The following BIRC3 variants were observed in gnomAD, a reference collection of about 807,000 sequenced individuals.
BIRC3 encodes the protein baculoviral IAP repeat-containing protein 3.
BIRC3 carries 26 observed loss-of-function variants against 59.0 expected under a neutral mutation model. The observed-to-expected ratio is 0.44, with a 90% confidence interval of 0.32 to 0.61. The LOEUF is 0.61. BIRC3 is among the 20% of genes least tolerant of loss of function. The probability of loss-of-function intolerance (pLI) is 0.04; values close to 1 mark genes in which losing one functional copy is unlikely to be tolerated. For synonymous variants in BIRC3, 243 were observed against 249.2 expected (o/e 0.98, Z 0.24); for missense variants, 641 against 711.5 (o/e 0.90, Z 1.13).
intron 6 of BIRC3, among the ~76,000 whole-genome samples, chr11:102,333,665 G>T (rs1469288168): frequency 2.6e-5 from 4 of 152,068 alleles, no homozygotes; most frequent in African/African-American, 9.7e-5. Context: ...AAAATAGCTT[G>T]AACCTGGGAG....
At chr11:102,327,082 T>C (rs753181699) in intron 3 of BIRC3, among the ~76,000 whole-genome samples, 2 of 152,186 alleles carry the variant, frequency 1.3e-5, no homozygotes, top group Non-Finnish European at 2.9e-5. Flanking sequence ...CTTGTCCACT[T>C]GAGCCTTGGT....
rs1401667772 is a variant in BIRC3 at position 102,322,399 on chromosome 11, T to C, written c.-2111T>C. On this transcript the variant is annotated 5_prime_UTR_variant, in exon 2 of 9. Coordinates refer to ENST00000263464, the MANE Select transcript of BIRC3 (RefSeq NM_001165.5). ...GGAAGTAAAAAGATAAATGTGATGA[T>C]TGGTCAAGAAATTATCCAGTTATTT... is the stretch of plus-strand genomic sequence containing the variant. The C allele has an allele frequency of 9.7e-6, 2 of 207,162 alleles. No individual in the cohort carries two copies. Among genetic ancestry groups the C allele is most frequent in the Admixed American group, 1.2e-4 (2 of 16,856 alleles). The allele number at this position is 207,162 out of a possible 1,614,324, so 12.8% of individuals were successfully genotyped here.
rs752896863 is a variant in BIRC3 at position 102,325,115 on chromosome 11, A to T, written c.606A>T (p.Arg202Ser). ...AGFYYIGPGD[R>S]VACFACGGKL... Reference sequence around the variant, plus strand: ...TTTACTACATAGGACCTGGAGACAGAGTGGCTTGCTTTGCCTGTGGTGGAA... The same window carrying T: ...TTTACTACATAGGACCTGGAGACAGTGTGGCTTGCTTTGCCTGTGGTGGAA... The change falls in exon 2 of 9, where the codon AGA becomes AGT. Residue 202 changes from arginine (R) to serine (S), a missense_variant. This residue lies in a region of BIRC3 where 329 missense variants were observed against 365.6 expected (regional missense o/e 0.90). Coordinates refer to ENST00000263464, the MANE Select transcript of BIRC3 (RefSeq NM_001165.5). 111 of 1,614,100 alleles carry T rather than the reference A, an allele frequency of 6.9e-5. 1 individual carries two copies. The East Asian group carries it at 2.4e-3, about 35-fold the overall frequency.
intron 1 of BIRC3, among the ~76,000 whole-genome samples, chr11:102,320,606 G>A (rs17878708): frequency 0.28 from 42,875 of 152,144 alleles, 6,284 homozygotes; most frequent in Admixed American, 0.34. Context: ...CTCTGTTTAC[G>A]TATTTGATAT....
intron 3 of BIRC3, among the ~76,000 whole-genome samples, chr11:102,325,927 A>T (rs1017584997): frequency 6.6e-6 from 1 of 152,142 alleles, no homozygotes; most frequent in Non-Finnish European, 1.5e-5. Flanking sequence ...ACATCCCTCC[A>T]GACATATAGA....
At chr11:102,318,194 T>C (rs1950993239) in intron 1 of BIRC3, among the ~76,000 whole-genome samples, 1 of 152,252 alleles carries the variant, frequency 6.6e-6, no homozygotes, top group African/African-American at 2.4e-5. Context: ...AGACTTTACA[T>C]GTATTTTTCA....
Position 102,331,007 on chromosome 11 carries a change from T to C in BIRC3, c.1090T>C (p.Phe364Leu). Residue 364 changes from phenylalanine (F) to leucine (L), a missense_variant, in exon 6 of 9, where the codon TTT becomes CTT. Around this residue, in one of 4 missense-constraint regions of BIRC3, gnomAD observed 268 missense variants for 255.7 expected, o/e 1.05. Coordinates refer to ENST00000263464, the MANE Select transcript of BIRC3 (RefSeq NM_001165.5). ...TTCTTTGTTCCATATAGTTATCCAT[T>C]TTGAACCTGGAGAAGACCATTCAGA... Reference protein sequence around the residue: ...DENAESSIIHFEPGEDHSEDA... With the variant: ...DENAESSIIHLEPGEDHSEDA... 1.9e-6 allele frequency: 3 copies of C among 1,611,262 alleles called. No homozygotes were observed. Among genetic ancestry groups the C allele is most frequent in the East Asian group, 2.2e-5 (1 of 44,782 alleles).
At position 102,323,203 on chromosome 11, in the gene BIRC3, T is replaced by A. The variant is rs1216149903; in HGVS notation, c.-1307T>A. The A allele has an allele frequency of 5.0e-6, 1 of 198,384 alleles. No homozygotes were observed. Among genetic ancestry groups the A allele is most frequent in the East Asian group, 7.9e-5 (1 of 12,736 alleles). 12.3% of individuals were successfully genotyped at this position (198,384 alleles called of 1,614,324 possible). A position where few individuals can be genotyped will look rare whatever the true frequency, so the allele number is the denominator to read the frequency against. On this transcript the variant is annotated 5_prime_UTR_variant, in exon 2 of 9. Transcript: ENST00000263464. The stretch of plus-strand genomic sequence containing the variant: ...TTAGTTCTTTGAGGGGGACAAAAAA[T>A]TTAAAATCTTTGAAAGGTCTTATTT...
chr11:102,328,238 C>G, intron 4 of BIRC3, 108 bp downstream of exon 4: 1 of 844,934 alleles, frequency 1.2e-6, no homozygotes. Flanking sequence ...TTTAGAAATA[C>G]ATTTTCTTTT....
intron 6 of BIRC3, among the ~76,000 whole-genome samples, chr11:102,332,679 G>A (rs1355884555): frequency 6.6e-6 from 1 of 152,142 alleles, no homozygotes; most frequent in Non-Finnish European, 1.5e-5. Context: ...ATCCAACCCT[G>A]CCCATGAAGA....
Position 102,337,798 on chromosome 11 carries a change from T to G in BIRC3, c.*696T>G, listed in dbSNP as rs1951211861. ...GTCACTCCCAGACTCTTTCCATACC[T>G]TCTTAAAGCCTCTCAAATATTGAAC... is the stretch of plus-strand genomic sequence containing the variant. On this transcript the variant is annotated 3_prime_UTR_variant, in exon 9 of 9. Coordinates refer to ENST00000263464, the MANE Select transcript of BIRC3 (RefSeq NM_001165.5). 1 of 234,498 alleles carries G rather than the reference T, an allele frequency of 4.3e-6. No homozygotes were observed. The highest frequency in any genetic ancestry group is 8.4e-6 in the Non-Finnish European group (1 of 119,352). The allele number at this position is 234,498 out of a possible 1,614,324, so 14.5% of individuals were successfully genotyped here. A position where few individuals can be genotyped will look rare whatever the true frequency, so the allele number is the denominator to read the frequency against.
rs993820132 is a variant in BIRC3, at chr11:102,322,584, T to G, written c.-1926T>G. On this transcript the variant is annotated 5_prime_UTR_variant, in exon 2 of 9. Transcript: ENST00000263464. ...CAGTGATGAATACAAAGAAGATTTT[T>G]ATAACAATGTGTAAAATTTTTGGCC... The G allele has an allele frequency of 4.9e-6, 1 of 205,850 alleles. No homozygotes were observed. Among genetic ancestry groups the G allele is most frequent in the East Asian group, 7.5e-5 (1 of 13,382 alleles). The allele number at this position is 205,850 out of a possible 1,614,324, so 12.8% of individuals were successfully genotyped here. A position where few individuals can be genotyped will look rare whatever the true frequency, so the allele number is the denominator to read the frequency against.
rs1193650949 is a variant in BIRC3 at position 102,337,016 on chromosome 11, G to A, written c.1729G>A (p.Val577Ile). Residue 577 changes from valine to isoleucine, a missense_variant, in exon 9 of 9, where the codon GTA (valine) becomes ATA (isoleucine). Physicochemically the swap from Val to Ile is conservative, Grantham distance 29. Transcript: ENST00000263464. ...IVFIPCGHLV[V>I]CKDCAPSLRK... Reference sequence around the variant, plus strand: ...GTTTATTCCTTGTGGTCATCTAGTAGTATGCAAAGATTGTGCTCCTTCTTT... The same window carrying A: ...GTTTATTCCTTGTGGTCATCTAGTAATATGCAAAGATTGTGCTCCTTCTTT... 1.2e-6 allele frequency: 2 copies of A among 1,605,058 alleles called. No homozygotes were observed. The highest frequency in any genetic ancestry group is 1.7e-6 in the Non-Finnish European group (2 of 1,178,080).
Position 102,323,864 on chromosome 11 carries a change from T to C in BIRC3, c.-646T>C, listed in dbSNP as rs984914265. On this transcript the variant is annotated 5_prime_UTR_variant, in exon 2 of 9. Coordinates refer to ENST00000263464, the MANE Select transcript of BIRC3 (RefSeq NM_001165.5). ...GAAATAAAAGTGCTTCTAATTAAAATATGATGTCATTAATTATGAAATACT... is the reference window on the plus strand; with the variant it reads ...GAAATAAAAGTGCTTCTAATTAAAACATGATGTCATTAATTATGAAATACT... 1 of 201,018 alleles carries C rather than the reference T, an allele frequency of 5.0e-6. No homozygotes were observed. Among genetic ancestry groups the C allele is most frequent in the African/African-American group, 2.3e-5 (1 of 43,536 alleles). 12.5% of individuals were successfully genotyped at this position (201,018 alleles called of 1,614,324 possible).
At chr11:102,328,874 A>G (rs765816583) in intron 4 of BIRC3, 23 bp from the exon 5 acceptor site, 2 of 837,956 alleles carry the variant, frequency 2.4e-6, no homozygotes, top group Non-Finnish European at 3.2e-6. Flanking sequence ...ATATATATAT[A>G]TATATATTTT....
At chr11:102,336,459 G>A (rs1023055142) in intron 7 of BIRC3, 3 of 558,588 alleles carry the variant, frequency 5.4e-6, no homozygotes, top group African/African-American at 1.9e-5. Flanking sequence ...TATTTGTGAT[G>A]GTGTATGCCT....
rs5794162 is a variant in BIRC3, at chr11:102,322,777, T to TAA, written c.-1708_-1707dup. The TAA allele has an allele frequency of 6.0e-5, 4 of 67,046 alleles. No individual in the cohort carries two copies. The highest frequency in any genetic ancestry group is 2.7e-4 in the East Asian group (1 of 3,706). The allele number at this position is 67,046 out of a possible 1,614,324, so 4.2% of individuals were successfully genotyped here. Reference sequence around the variant, plus strand: ...GGAAACCATGCTTGCAAACCACTGGTAAAAAAAAAAAAAAAAAAAAAAAAA... The same window carrying TAA: ...GGAAACCATGCTTGCAAACCACTGGTAAAAAAAAAAAAAAAAAAAAAAAAAAA... On this transcript the variant is annotated 5_prime_UTR_variant, in exon 2 of 9. Coordinates refer to ENST00000263464, the MANE Select transcript of BIRC3 (RefSeq NM_001165.5).
chr11:102,326,043 T>G (rs1184122872), intron 3 of BIRC3, among the ~76,000 whole-genome samples: 3 of 152,170 alleles, frequency 2.0e-5, no homozygotes, highest in Admixed American at 2.0e-4. Flanking sequence ...GTTTTGAAGT[T>G]TTTTCAGTCA....
chr11:102,334,030 A>C (rs1346485046), intron 6 of BIRC3, among the ~76,000 whole-genome samples: 1 of 152,222 alleles, frequency 6.6e-6, no homozygotes, highest in Admixed American at 6.5e-5. Context: ...AATATAGTCT[A>C]CAACTTTGAA....
Sources: allele counts gnomAD v4.1 joint callset (sites outside exome capture counted in the v4.1 genomes callset), GRCh38; gene constraint gnomAD v4.1.1; regional missense constraint gnomAD v4.1.1; transcripts MANE v1.5; gene names NCBI Gene and HGNC (gene_info 2026-07-23, HGNC 2026-07-21).